Variants in TIMM23 observed in about 807,000 individuals in gnomAD.
The protein encoded by TIMM23 is translocase of inner mitochondrial membrane 23.
In TIMM23, 19 loss-of-function variants were observed where a neutral mutation model predicts 30.7. That is an observed-to-expected ratio of 0.62 (90% CI 0.43 to 0.91). The LOEUF (loss-of-function observed/expected upper bound fraction) is 0.91, where lower values mean the gene tolerates loss of function less well. TIMM23 is among the 40% of genes least tolerant of loss of function. The pLI is 0.00. For missense variants in TIMM23, 202 were observed against 269.2 expected (o/e 0.75, Z 1.75); for synonymous variants, 78 against 98.5 (o/e 0.79, Z 1.23).
Position 45,990,606 on chromosome 10 carries a change from G to A in TIMM23, c.514+1759G>A, listed in dbSNP as rs1405579624. On this transcript the variant is annotated intron_variant, in intron 6 of 6. Transcript: ENST00000580018. Reference sequence around the variant, plus strand: ...CTAATTATTTTTTTTTTTCTTTATCGGAGATGGGGTCTCACTGTGTTGCCC... The same window carrying A: ...CTAATTATTTTTTTTTTTCTTTATCAGAGATGGGGTCTCACTGTGTTGCCC... The A allele has an allele frequency of 1.4e-3, 508 of 368,948 alleles. 5 individuals carry two copies. The highest frequency in any genetic ancestry group is 8.7e-3 in the African/African-American group (398 of 45,590). The allele number at this position is 368,948 out of a possible 1,614,324, so 22.9% of individuals were successfully genotyped here. A position where few individuals can be genotyped will look rare whatever the true frequency, so the allele number is the denominator to read the frequency against.
At position 45,989,716 on chromosome 10, in the gene TIMM23, A is replaced by T. The variant is rs1389521888; in HGVS notation, c.514+869A>T. Among the ~76,000 whole-genome samples the T allele has an allele frequency of 3.4e-4, 52 of 152,340 alleles. 1 individual carries two copies. In the South Asian group the frequency reaches 8.7e-3, roughly 25 times the overall value. On this transcript the variant is annotated intron_variant, in intron 6 of 6. Transcript: ENST00000580018. ...GACACACACAAGGTCAAAGCCCAGG[A>T]ATGGCTTCCCTGTAAGTCAATTTAG... is the stretch of plus-strand genomic sequence containing the variant.
intron 6 of TIMM23, among the ~76,000 whole-genome samples, chr10:45,994,143 C>G (rs1427159038): frequency 6.6e-6 from 1 of 152,040 alleles, no homozygotes; most frequent in Admixed American, 6.5e-5. Flanking sequence ...AGTTCAAGAC[C>G]AGCCTGGCCA....
chr10:45,995,483 T>A (rs1184728325), intron 6 of TIMM23, among the ~76,000 whole-genome samples: 4 of 137,938 alleles, frequency 2.9e-5, no homozygotes, highest in African/African-American at 1.1e-4. Flanking sequence ...CCTCATTTAT[T>A]CAGAAGAAGC....
intron 3 of TIMM23, 25 bp downstream of exon 3, chr10:45,982,641 A>T: frequency 6.2e-7 from 1 of 1,612,218 alleles, no homozygotes; most frequent in East Asian, 2.2e-5. Flanking sequence ...CTTTTTTCTC[A>T]AGAGTGCTCA....
intron 6 of TIMM23, among the ~76,000 whole-genome samples, 169 bp from the exon 7 acceptor site, chr10:46,003,034 G>C (rs151058827): frequency 1.1e-3 from 166 of 152,152 alleles, no homozygotes; most frequent in Middle Eastern, 6.8e-3. Flanking sequence ...GGCCAGGCTG[G>C]TTGAACTCCT....
chr10:45,984,856 T>C lies in TIMM23; in HGVS notation c.345-527T>C, dbSNP rs1316548391. The C allele has an allele frequency of 3.4e-4, 63 of 182,778 alleles. 1 individual carries two copies. Among genetic ancestry groups the C allele is most frequent in the Admixed American group, 1.1e-4 (2 of 17,408 alleles). The allele number at this position is 182,778 out of a possible 1,614,324, so 11.3% of individuals were successfully genotyped here. A position where few individuals can be genotyped will look rare whatever the true frequency, so the allele number is the denominator to read the frequency against. Reference sequence around the variant, plus strand: ...CTAGTTAGATGGCTGATTCCTTCTCTTTAATTCTACTTTATATTCTGTACT... The same window carrying C: ...CTAGTTAGATGGCTGATTCCTTCTCCTTAATTCTACTTTATATTCTGTACT... On this transcript the variant is annotated intron_variant, in intron 4 of 6. Transcript: ENST00000580018.
intron 6 of TIMM23, among the ~76,000 whole-genome samples, chr10:46,002,076 A>G (rs1448269276): frequency 1.3e-5 from 2 of 152,168 alleles, no homozygotes; most frequent in African/African-American, 4.8e-5. Flanking sequence ...AACTAGCATG[A>G]TGCTAGGTGT....
intron 6 of TIMM23, chr10:45,998,253 T>C (rs1838408483): frequency 3.2e-6 from 1 of 312,958 alleles, no homozygotes; most frequent in African/African-American, 2.2e-5. Context: ...GTCATTTGAA[T>C]GCATTAGTTC....
chr10:45,973,892 A>G (rs1198535517), intron 1 of TIMM23, among the ~76,000 whole-genome samples: 2 of 151,238 alleles, frequency 1.3e-5, no homozygotes, highest in African/African-American at 4.9e-5. Context: ...AACTCAGGCC[A>G]TCCTCCTGTC....
chr10:45,975,943 A>C, intron 2 of TIMM23, among the ~76,000 whole-genome samples: 1 of 152,252 alleles, frequency 6.6e-6, no homozygotes, highest in South Asian at 2.1e-4. Flanking sequence ...CTGGGACTAC[A>C]GGCGCCCACC....
At chr10:45,984,308 C>A (rs1277075429) in intron 4 of TIMM23, among the ~76,000 whole-genome samples, 2 of 151,968 alleles carry the variant, frequency 1.3e-5, no homozygotes, top group African/African-American at 4.8e-5. Context: ...AGACAAAAAC[C>A]CCAATATCAT....
At chr10:45,991,097 A>G (rs1838150771) in intron 6 of TIMM23, among the ~76,000 whole-genome samples, 1 of 152,220 alleles carries the variant, frequency 6.6e-6, no homozygotes, top group Non-Finnish European at 1.5e-5. Flanking sequence ...TAGAGAAATC[A>G]GGAAAATTTC....
At chr10:45,990,611 T>A (rs1251758393) in intron 6 of TIMM23, 2 of 381,380 alleles carry the variant, frequency 5.2e-6, no homozygotes, top group African/African-American at 4.3e-5. Context: ...TTATCGGAGA[T>A]GGGGTCTCAC....
chr10:45,978,701 A>G (rs1837749766), intron 2 of TIMM23, among the ~76,000 whole-genome samples: 1 of 152,138 alleles, frequency 6.6e-6, no homozygotes, highest in Admixed American at 6.5e-5. Context: ...ATGTAAAATG[A>G]TACAGCTGCT....
intron 6 of TIMM23, 90 bp downstream of exon 6, chr10:45,988,937 G>A (rs1838076572): frequency 2.0e-6 from 2 of 1,008,556 alleles, no homozygotes; most frequent in Non-Finnish European, 1.6e-6. Context: ...ACACTCTGTT[G>A]CAGTATAATC....
chr10:45,980,229 A>T (rs1291446095), intron 2 of TIMM23, among the ~76,000 whole-genome samples: 1 of 150,578 alleles, frequency 6.6e-6, no homozygotes, highest in Non-Finnish European at 1.5e-5. Context: ...GTACCTGTCA[A>T]CTCACCATGT....
In TIMM23 at chr10:45,972,749, T is replaced by A. The variant is rs782454138; in HGVS notation, c.106+19T>A. On this transcript the variant is annotated intron_variant, in intron 1 of 6. Transcript: ENST00000580018. ...GTCCCGCGTAAGTATGGGGCCTAGC[T>A]TGCGATTATTTCTGACTGGTTTTTG... The A allele has an allele frequency of 6.2e-7, 1 of 1,613,390 alleles. No homozygotes were observed. Among genetic ancestry groups the A allele is most frequent in the East Asian group, 2.2e-5 (1 of 44,858 alleles).
At chr10:45,990,075 T>A (rs2132267483) in intron 6 of TIMM23, among the ~76,000 whole-genome samples, 1 of 152,228 alleles carries the variant, frequency 6.6e-6, no homozygotes, top group Non-Finnish European at 1.5e-5. Flanking sequence ...CAGTGTTCTA[T>A]ACGTCTCACC....
rs1044896872 is a variant in TIMM23, at chr10:45,998,356, G to A, written c.515-4847G>A. On this transcript the variant is annotated intron_variant, in intron 6 of 6. Coordinates refer to ENST00000580018, the MANE Select transcript of TIMM23 (RefSeq NM_006327.4). Reference sequence around the variant, plus strand: ...ATAGAAGAGGTGGTGCTTGCCTATCGCTTTGGAAGAACTACATAAGGATCC... The same window carrying A: ...ATAGAAGAGGTGGTGCTTGCCTATCACTTTGGAAGAACTACATAAGGATCC... The A allele has an allele frequency of 1.7e-4, 164 of 984,798 alleles. 1 individual carries two copies. In the East Asian group the frequency reaches 5.0e-3, roughly 30 times the overall value. The allele number at this position is 984,798 out of a possible 1,614,324, so 61.0% of individuals were successfully genotyped here.
Sources: allele counts gnomAD v4.1 joint callset (sites outside exome capture counted in the v4.1 genomes callset), GRCh38; gene constraint gnomAD v4.1.1; transcripts MANE v1.5; gene names NCBI Gene and HGNC (gene_info 2026-07-23, HGNC 2026-07-21).